DPH5: variants seen among roughly 807,000 people sequenced by gnomAD.
The protein encoded by DPH5 is diphthamide biosynthesis 5.
Under a neutral mutation model 31.6 loss-of-function variants are expected in DPH5, and 31 were observed. The ratio of observed to expected loss-of-function variants is 0.98; its 90% CI spans 0.74 to 1.32. The LOEUF is 1.32. DPH5 is among the 40% of genes most tolerant of loss of function. The pLI is 0.00. For missense variants in DPH5, 309 were observed against 335.7 expected (o/e 0.92, Z 0.62); for synonymous variants, 120 against 115.0 (o/e 1.04, Z -0.28).
At chr1:101,013,277 T>A (rs766474419) in intron 4 of DPH5, among the ~76,000 whole-genome samples, 69 of 152,288 alleles carry the variant, frequency 4.5e-4, no homozygotes, top group Middle Eastern at 6.8e-3. Flanking sequence ...ACTTTACACA[T>A]CAATAACTGC....
intron 3 of DPH5, among the ~76,000 whole-genome samples, chr1:101,019,148 G>C (rs1570704844): frequency 6.6e-6 from 1 of 152,298 alleles, no homozygotes; most frequent in East Asian, 1.9e-4. Context: ...CTTATGCAGA[G>C]ATTTAGGGAT....
chr1:100,992,013 A>G (rs1015272377), intron 7 of DPH5, among the ~76,000 whole-genome samples: 3 of 151,442 alleles, frequency 2.0e-5, no homozygotes, highest in African/African-American at 7.3e-5. Flanking sequence ...TGGGAGGATC[A>G]CTTGAGCCCA....
chr1:100,999,167 C>A (rs1176647748), intron 5 of DPH5, among the ~76,000 whole-genome samples: 1 of 152,172 alleles, frequency 6.6e-6, no homozygotes, highest in Non-Finnish European at 1.5e-5. Context: ...TTAAGACATA[C>A]AGCCAGGCAC....
At chr1:100,992,097 CAAA>C (rs746311294) in intron 7 of DPH5, among the ~76,000 whole-genome samples, 5 of 120,336 alleles carry the variant, frequency 4.2e-5, no homozygotes, top group African/African-American at 3.1e-5. Flanking sequence ...GACCCTCTCT[CAAA>C]AAAAAAAAAA....
At chr1:101,010,610 C>G (rs1273915309) in intron 4 of DPH5, among the ~76,000 whole-genome samples, 1 of 152,104 alleles carries the variant, frequency 6.6e-6, no homozygotes, top group Non-Finnish European at 1.5e-5. Context: ...TTTCATACTG[C>G]TACTCTTTAA....
chr1:101,024,440 G>T lies in DPH5; in HGVS notation c.135+869C>A, dbSNP rs75502352. On this transcript the variant is annotated intron_variant, in intron 2 of 7. Transcript: ENST00000370109. ...TCTCCACATATATGTATATATCAAA[G>T]TTGGTCTTTACACACAACTTTTATT... Among the ~76,000 whole-genome samples, 1,217 of 152,242 alleles carry T rather than the reference G, an allele frequency of 8.0e-3. 13 individuals carry two copies. The highest frequency in any genetic ancestry group is 0.028 in the African/African-American group (1,153 of 41,526).
rs541196991 is a variant in DPH5, at chr1:101,000,004, G to C, written c.490+1463C>G. On this transcript the variant is annotated intron_variant, in intron 5 of 7. Coordinates refer to ENST00000370109, the MANE Select transcript of DPH5 (RefSeq NM_015958.3). Reference sequence around the variant, plus strand: ...CTAAAAAAAATACAAAAAATTAGCCGGGCGTGGTGGCATGAACCTGTAGTC... The same window carrying C: ...CTAAAAAAAATACAAAAAATTAGCCCGGCGTGGTGGCATGAACCTGTAGTC... 2.0e-5 allele frequency among the ~76,000 whole-genome samples: 3 copies of C among 151,804 alleles called. No homozygotes were observed. The South Asian group carries it at 6.3e-4, about 32-fold the overall frequency.
At chr1:101,006,207 T>G (rs1483834375) in intron 4 of DPH5, among the ~76,000 whole-genome samples, 1 of 152,184 alleles carries the variant, frequency 6.6e-6, no homozygotes, top group Non-Finnish European at 1.5e-5. Context: ...TTCCCAGTCT[T>G]GGGTATGTCT....
At chr1:101,001,345 A>G in intron 5 of DPH5, 122 bp downstream of exon 5, 1 of 930,344 alleles carries the variant, frequency 1.1e-6, no homozygotes, top group Non-Finnish European at 1.6e-6. Context: ...GTCTGCATAG[A>G]ATGGCTAGAC....
Position 100,990,448 on chromosome 1 carries a change from G to C in DPH5, c.818C>G (p.Pro273Arg). The change falls in exon 8 of 8, where the codon CCA becomes CGA. Residue 273 changes from proline (P) to arginine (R), a missense_variant. Physicochemically the swap from Pro to Arg is moderately radical, Grantham distance 103. Coordinates refer to ENST00000370109, the MANE Select transcript of DPH5 (RefSeq NM_015958.3). Reference sequence around the variant, plus strand: ...GCTTTGAGATTCTGAGCTATTTTCTGGTATGGAAAACAGACTTAGCATCTC... The same window carrying C: ...GCTTTGAGATTCTGAGCTATTTTCTCGTATGGAAAACAGACTTAGCATCTC... ...EMEMLSLFSI[P>R]ENSSESQSIN... 1 of 1,613,960 alleles carries C rather than the reference G, an allele frequency of 6.2e-7. No homozygotes were observed. The highest frequency in any genetic ancestry group is 8.5e-7 in the Non-Finnish European group (1 of 1,179,904).
intron 3 of DPH5, among the ~76,000 whole-genome samples, chr1:101,021,279 TTA>T (rs1283233413): frequency 6.6e-6 from 1 of 152,288 alleles, no homozygotes; most frequent in East Asian, 1.9e-4. Flanking sequence ...ATGCCTGAAA[TTA>T]TCAGCAGAAA....
chr1:101,020,863 A>G (rs781029954), intron 3 of DPH5, among the ~76,000 whole-genome samples: 2 of 151,986 alleles, frequency 1.3e-5, no homozygotes, highest in Non-Finnish European at 2.9e-5. Context: ...CCTAAAATCC[A>G]TTTACCTAAG....
chr1:101,014,949 C>A (rs74106949), intron 3 of DPH5, among the ~76,000 whole-genome samples: 3 of 152,122 alleles, frequency 2.0e-5, no homozygotes, highest in Non-Finnish European at 4.4e-5. Flanking sequence ...TCCTTCATAT[C>A]TTCAGGCTCC....
At chr1:101,022,321 C>G (rs1206694592) in intron 2 of DPH5, among the ~76,000 whole-genome samples, 1 of 152,182 alleles carries the variant, frequency 6.6e-6, no homozygotes, top group African/African-American at 2.4e-5. Flanking sequence ...TAATTTAAAA[C>G]TATATTCCTT....
intron 4 of DPH5, among the ~76,000 whole-genome samples, chr1:101,010,967 G>A (rs1659587312): frequency 6.6e-6 from 1 of 152,154 alleles, no homozygotes; most frequent in South Asian, 2.1e-4. Context: ...CCCCATCCCA[G>A]ATCTACTATA....
intron 5 of DPH5, among the ~76,000 whole-genome samples, chr1:100,998,375 G>A (rs1470993366): frequency 6.6e-6 from 1 of 151,948 alleles, no homozygotes; most frequent in Non-Finnish European, 1.5e-5. Context: ...AACAAGCATG[G>A]TAGCAGACTT....
At position 101,001,455 on chromosome 1, in the gene DPH5, CA is replaced by C; in HGVS notation, c.490+11del. 1 of 1,605,314 alleles carries C rather than the reference CA, an allele frequency of 6.2e-7. No homozygotes were observed. ...CCATATTGTTACTTCAAGGAAATTC[CA>C]AAACCCTTACCTAGTAAACATAATG... On this transcript the variant is annotated intron_variant, in intron 5 of 7. Transcript: ENST00000370109.
Position 100,989,891 on chromosome 1 carries a change from T to TA in DPH5, c.*516dup, listed in dbSNP as rs906044366. ...ATAGCAGCAACAACTGATGATATCATAGGGAAAAAACTCACTGCCACAAGA... is the reference window on the plus strand; with the variant it reads ...ATAGCAGCAACAACTGATGATATCATAAGGGAAAAAACTCACTGCCACAAGA... On this transcript the variant is annotated 3_prime_UTR_variant, in exon 8 of 8. Transcript: ENST00000370109. The TA allele has an allele frequency of 1.9e-5, 3 of 154,214 alleles. No individual in the cohort carries two copies. Among genetic ancestry groups the TA allele is most frequent in the African/African-American group, 7.2e-5 (3 of 41,422 alleles). The allele number at this position is 154,214 out of a possible 1,614,324, so 9.6% of individuals were successfully genotyped here.
At chr1:101,015,202 T>C (rs531242822) in intron 3 of DPH5, among the ~76,000 whole-genome samples, 1 of 152,254 alleles carries the variant, frequency 6.6e-6, no homozygotes, top group South Asian at 2.1e-4. Flanking sequence ...AATCACTATC[T>C]AGGGCAGCTA....
Sources: gnomAD v4.1 joint callset for allele counts (sites outside exome capture counted in the v4.1 genomes callset) on GRCh38, gnomAD v4.1.1 for gene constraint, MANE v1.5 for transcripts, NCBI Gene and HGNC (gene_info 2026-07-23, HGNC 2026-07-21) for gene names.